Variants in AOAH observed in about 807,000 individuals in gnomAD.
AOAH encodes the protein acyloxyacyl hydrolase, also known as acyloxyacyl hydrolase (neutrophil).
A neutral mutation model predicts 92.2 loss-of-function variants in AOAH; 64 were observed. The observed-to-expected ratio is 0.69, with a 90% CI of 0.57 to 0.86. The LOEUF is 0.86. Among genes scored for constraint, AOAH ranks in the 40% least tolerant of loss-of-function variants. The pLI, the probability that AOAH is intolerant of heterozygous loss-of-function variation, is 0.00. For synonymous variants in AOAH, 263 were observed against 254.5 expected (o/e 1.03, Z -0.32); for missense variants, 656 against 694.6 (o/e 0.94, Z 0.62).
intron 19 of AOAH, among the ~76,000 whole-genome samples, chr7:36,523,786 T>G (rs6978615): frequency 0.96 from 145,860 of 152,032 alleles, 70,265 homozygotes; most frequent in East Asian, 1. Context: ...TGCCTGCTCA[T>G]GAATGCTATC....
intron 16 of AOAH, among the ~76,000 whole-genome samples, chr7:36,534,780 G>A (rs1784907036): frequency 6.6e-6 from 1 of 152,164 alleles, no homozygotes; most frequent in Non-Finnish European, 1.5e-5. Flanking sequence ...AAAGCCCAGG[G>A]GCAGGCCAGG....
chr7:36,673,399 T>A (rs1715629443), intron 3 of AOAH, among the ~76,000 whole-genome samples: 1 of 66,476 alleles, frequency 1.5e-5, no homozygotes, highest in African/African-American at 9.2e-5. Flanking sequence ...TTAGCCGGTG[T>A]GGTGGCACAT....
intron 4 of AOAH, among the ~76,000 whole-genome samples, chr7:36,654,314 T>C (rs543792522): frequency 6.6e-6 from 1 of 152,300 alleles, no homozygotes; most frequent in East Asian, 1.9e-4. Context: ...TTCTCCTCTC[T>C]CCTTTTTCTT....
chr7:36,699,145 T>C (rs1408717653), intron 1 of AOAH, among the ~76,000 whole-genome samples: 1 of 152,154 alleles, frequency 6.6e-6, no homozygotes, highest in East Asian at 1.9e-4. Flanking sequence ...TTTCATTCTT[T>C]ATTGCGGTGG....
At chr7:36,696,660 G>A (rs940020178) in intron 1 of AOAH, among the ~76,000 whole-genome samples, 1 of 152,030 alleles carries the variant, frequency 6.6e-6, no homozygotes, top group Non-Finnish European at 1.5e-5. Flanking sequence ...AGGAGTTCAA[G>A]ACCAGCCTGG....
At chr7:36,575,290 G>A (rs994613249) in intron 13 of AOAH, among the ~76,000 whole-genome samples, 7 of 152,180 alleles carry the variant, frequency 4.6e-5, no homozygotes, top group African/African-American at 1.7e-4. Flanking sequence ...TATCTGAGTG[G>A]AGTGAGACAA....
chr7:36,628,761 C>A (rs983080678), intron 6 of AOAH, among the ~76,000 whole-genome samples: 2 of 152,168 alleles, frequency 1.3e-5, no homozygotes, highest in African/African-American at 4.8e-5. Context: ...GTAAGGCATT[C>A]CTCCTGGGGG....
chr7:36,660,309 TTTG>T (rs369358030), intron 3 of AOAH, among the ~76,000 whole-genome samples: 122,537 of 151,640 alleles, frequency 0.81, 49,683 homozygotes, highest in East Asian at 0.91. Context: ...AACAGAGTCT[TTTG>T]TTTGTTTGTT....
chr7:36,629,307 A>C (rs1022876814), intron 6 of AOAH, among the ~76,000 whole-genome samples: 1 of 152,218 alleles, frequency 6.6e-6, no homozygotes, highest in Non-Finnish European at 1.5e-5. Context: ...GATGCTCTTG[A>C]ATTCAATTTT....
At chr7:36,696,049 G>A (rs1015488643) in intron 1 of AOAH, among the ~76,000 whole-genome samples, 7 of 152,048 alleles carry the variant, frequency 4.6e-5, no homozygotes, top group Non-Finnish European at 7.4e-5. Flanking sequence ...CTACCCTCTT[G>A]CCATTGAATT....
intron 1 of AOAH, among the ~76,000 whole-genome samples, chr7:36,717,069 G>C (rs16879477): frequency 0.33 from 50,695 of 152,022 alleles, 9,707 homozygotes; most frequent in East Asian, 0.55. Flanking sequence ...GGGACATACT[G>C]TTCAGTGCTA....
At chr7:36,631,358 A>G (rs926013060) in intron 6 of AOAH, among the ~76,000 whole-genome samples, 7 of 151,922 alleles carry the variant, frequency 4.6e-5, no homozygotes, top group African/African-American at 1.2e-4. Flanking sequence ...CTCAAAAAAA[A>G]AAAAAAAGAA....
At chr7:36,592,787 T>C (rs1240053685) in intron 12 of AOAH, among the ~76,000 whole-genome samples, 2 of 152,258 alleles carry the variant, frequency 1.3e-5, no homozygotes, top group Non-Finnish European at 2.9e-5. Context: ...GGCATATAGT[T>C]ACTTGTTACT....
At chr7:36,723,779 G>A (rs1562734859) in intron 1 of AOAH, among the ~76,000 whole-genome samples, 1 of 152,038 alleles carries the variant, frequency 6.6e-6, no homozygotes, top group Non-Finnish European at 1.5e-5. Flanking sequence ...AATTCCAATC[G>A]CCAATGAGGT....
intron 4 of AOAH, among the ~76,000 whole-genome samples, chr7:36,652,827 G>T (rs1448533252): frequency 6.6e-6 from 1 of 152,204 alleles, no homozygotes; most frequent in Non-Finnish European, 1.5e-5. Flanking sequence ...TGAAGACTCT[G>T]TCACAGACCA....
At chr7:36,687,344 C>T (rs76839308) in intron 1 of AOAH, among the ~76,000 whole-genome samples, 1,528 of 152,098 alleles carry the variant, frequency 0.01, 20 homozygotes, top group African/African-American at 0.035. Flanking sequence ...TGCCTCACAG[C>T]TATAAAGCAT....
intron 13 of AOAH, among the ~76,000 whole-genome samples, chr7:36,568,964 G>T (rs1583840584): frequency 6.6e-6 from 1 of 152,162 alleles, no homozygotes; most frequent in East Asian, 1.9e-4. Flanking sequence ...ACCAAAGGTG[G>T]TCTGCACAAG....
At chr7:36,666,282 G>A (rs958286210) in intron 3 of AOAH, among the ~76,000 whole-genome samples, 15 of 151,996 alleles carry the variant, frequency 9.9e-5, no homozygotes, top group African/African-American at 2.9e-4. Context: ...GGCAGTTTGC[G>A]TCTTTCAAGG....
At chr7:36,709,245 A>G (rs1798614619) in intron 1 of AOAH, among the ~76,000 whole-genome samples, 1 of 152,250 alleles carries the variant, frequency 6.6e-6, no homozygotes, top group Admixed American at 6.6e-5. Flanking sequence ...CAGGAGAGCC[A>G]TGGATCTTTA....
Sources: gnomAD v4.1 joint callset for allele counts (sites outside exome capture counted in the v4.1 genomes callset) on GRCh38, gnomAD v4.1.1 for gene constraint, MANE v1.5 for transcripts, NCBI Gene and HGNC (gene_info 2026-07-23, HGNC 2026-07-21) for gene names.